The following GNA14 variants were observed in gnomAD, a reference collection of about 807,000 sequenced individuals.
GNA14 encodes the protein guanine nucleotide-binding protein subunit alpha-14.
Under a neutral mutation model 42.0 loss-of-function variants are expected in GNA14, and 50 were observed. That is an observed-to-expected ratio of 1.19 (90% CI 0.95 to 1.51). The LOEUF is 1.51. Among genes scored for constraint, GNA14 ranks in the 40% most tolerant of loss-of-function variants. The pLI, the probability that GNA14 is intolerant of heterozygous loss-of-function variation, is 0.00. For missense variants in GNA14, 473 were observed against 446.2 expected (o/e 1.06, Z -0.54); for synonymous variants, 173 against 163.1 (o/e 1.06, Z -0.46).
At chr9:77,426,808 A>G (rs1835460459) in intron 5 of GNA14, among the ~76,000 whole-genome samples, 1 of 152,210 alleles carries the variant, frequency 6.6e-6, no homozygotes, top group Admixed American at 6.5e-5. Flanking sequence ...CTCTTTCTCA[A>G]GTATTTCTAA....
chr9:77,502,092 G>A (rs72730886), intron 2 of GNA14, among the ~76,000 whole-genome samples: 2,492 of 152,224 alleles, frequency 0.016, 23 homozygotes, highest in Non-Finnish European at 0.023. Context: ...AATCCATTGA[G>A]TATATTGTTT....
chr9:77,546,341 C>G (rs542313737), intron 1 of GNA14, among the ~76,000 whole-genome samples: 17 of 151,850 alleles, frequency 1.1e-4, no homozygotes, highest in African/African-American at 3.9e-4. Context: ...TGAAATATAC[C>G]CTCCCCTTGT....
intron 1 of GNA14, among the ~76,000 whole-genome samples, chr9:77,640,402 T>C (rs1824238951): frequency 6.6e-6 from 1 of 152,170 alleles, no homozygotes; most frequent in Non-Finnish European, 1.5e-5. Flanking sequence ...GCCCTACACA[T>C]GGGAGTTGTT....
At chr9:77,455,014 T>A (rs559610882) in intron 2 of GNA14, among the ~76,000 whole-genome samples, 2 of 152,348 alleles carry the variant, frequency 1.3e-5, no homozygotes, top group East Asian at 3.9e-4. Flanking sequence ...TACCTTTTGA[T>A]GATCTCAAAG....
chr9:77,538,220 G>A (rs2131774598), intron 1 of GNA14, among the ~76,000 whole-genome samples: 1 of 152,142 alleles, frequency 6.6e-6, no homozygotes, highest in South Asian at 2.1e-4. Context: ...ACAGGTGTGT[G>A]CCACCACACC....
chr9:77,497,648 G>C lies in GNA14; in HGVS notation c.309+31421C>G, dbSNP rs141706719. The stretch of plus-strand genomic sequence containing the variant: ...GAGACCACGTTCCTGACATGTAACA[G>C]GTGTTCAATAAATACTGAATGAATT... On this transcript the variant is annotated intron_variant, in intron 2 of 6. Coordinates refer to ENST00000341700, the MANE Select transcript of GNA14 (RefSeq NM_004297.4). Among the ~76,000 whole-genome samples the C allele has an allele frequency of 4.1e-3, 615 of 151,126 alleles. 1 individual carries two copies. The highest frequency in any genetic ancestry group is 6.6e-3 in the Non-Finnish European group (448 of 68,014).
chr9:77,614,781 G>A (rs1309001783), intron 1 of GNA14, among the ~76,000 whole-genome samples: 1 of 152,100 alleles, frequency 6.6e-6, no homozygotes, highest in Non-Finnish European at 1.5e-5. Context: ...GCTTCCCTCA[G>A]TTCATTAGCA....
rs143193603 is a variant in GNA14, at chr9:77,594,811, G to A, written c.124+52859C>T. Among the ~76,000 whole-genome samples the A allele has an allele frequency of 1.7e-3, 261 of 152,296 alleles. 1 individual carries two copies. The highest frequency in any genetic ancestry group is 6.0e-3 in the African/African-American group (249 of 41,564). Reference sequence around the variant, plus strand: ...GCTCAAGTTTCTGGGCAATGATAGGGCCTTCTCCGTGTGCATGGGAGAGCA... The same window carrying A: ...GCTCAAGTTTCTGGGCAATGATAGGACCTTCTCCGTGTGCATGGGAGAGCA... On this transcript the variant is annotated intron_variant, in intron 1 of 6. Transcript: ENST00000341700.
chr9:77,584,104 A>C (rs1823265667), intron 1 of GNA14, among the ~76,000 whole-genome samples: 1 of 152,212 alleles, frequency 6.6e-6, no homozygotes, highest in African/African-American at 2.4e-5. Flanking sequence ...TGCAACTCAG[A>C]GCAGTAGACA....
chr9:77,641,151 A>G (rs1824260849), intron 1 of GNA14, among the ~76,000 whole-genome samples: 1 of 127,546 alleles, frequency 7.8e-6, no homozygotes, highest in African/African-American at 3.0e-5. Flanking sequence ...GAAGGAAGGA[A>G]GGAAGGAAGG....
chr9:77,475,752 C>A (rs1401568287), intron 2 of GNA14, among the ~76,000 whole-genome samples: 1 of 152,194 alleles, frequency 6.6e-6, no homozygotes, highest in Non-Finnish European at 1.5e-5. Context: ...ATTCTTGGGT[C>A]TCTGCACAAA....
chr9:77,568,892 A>G (rs1291271435), intron 1 of GNA14, among the ~76,000 whole-genome samples: 1 of 152,240 alleles, frequency 6.6e-6, no homozygotes, highest in Non-Finnish European at 1.5e-5. Flanking sequence ...GTCGCACTTC[A>G]GAAACCCCTA....
chr9:77,589,379 T>G (rs981643475), intron 1 of GNA14, among the ~76,000 whole-genome samples: 3 of 152,170 alleles, frequency 2.0e-5, no homozygotes, highest in African/African-American at 7.2e-5. Context: ...CAAAATGGAG[T>G]GAGCTCGGTT....
At chr9:77,495,185 G>A (rs1030584851) in intron 2 of GNA14, among the ~76,000 whole-genome samples, 1 of 152,058 alleles carries the variant, frequency 6.6e-6, no homozygotes, top group Non-Finnish European at 1.5e-5. Context: ...TAGACCAAAG[G>A]AAGAACTCTG....
At chr9:77,533,768 C>A (rs1338961438) in intron 1 of GNA14, among the ~76,000 whole-genome samples, 1 of 152,144 alleles carries the variant, frequency 6.6e-6, no homozygotes, top group Non-Finnish European at 1.5e-5. Flanking sequence ...TTTTCCAGGG[C>A]GGACACTCAA....
rs57480889 is a variant in GNA14, at chr9:77,441,599, T to C, written c.310-7077A>G. On this transcript the variant is annotated intron_variant, in intron 2 of 6. Transcript: ENST00000341700. ...AAATAAGTGAGATTAAGATAAAATA[T>C]ATTATTAAATATGAGAACTCTTTGT... is the stretch of plus-strand genomic sequence containing the variant. Among the ~76,000 whole-genome samples the C allele has an allele frequency of 9.1e-3, 1,392 of 152,268 alleles. 28 individuals are homozygous for C. The highest frequency in any genetic ancestry group is 0.031 in the African/African-American group (1,307 of 41,544).
chr9:77,647,610 G>T (rs896863191), intron 1 of GNA14, 60 bp downstream of exon 1: 3 of 1,564,350 alleles, frequency 1.9e-6, no homozygotes, highest in African/African-American at 2.7e-5. Flanking sequence ...CAGTGGAGAG[G>T]CCGGGAGGGC....
At chr9:77,530,846 A>G (rs1837516905) in intron 1 of GNA14, among the ~76,000 whole-genome samples, 1 of 152,226 alleles carries the variant, frequency 6.6e-6, no homozygotes, top group Admixed American at 6.5e-5. Flanking sequence ...CTCCAGAGAC[A>G]GGATAGGTAG....
At chr9:77,475,621 G>A (rs978262060) in intron 2 of GNA14, among the ~76,000 whole-genome samples, 23 of 152,068 alleles carry the variant, frequency 1.5e-4, no homozygotes, top group African/African-American at 5.3e-4. Context: ...TTCCCTCCTT[G>A]CTCCCCTCTC....
Sources: allele counts gnomAD v4.1 joint callset (sites outside exome capture counted in the v4.1 genomes callset), GRCh38; gene constraint gnomAD v4.1.1; transcripts MANE v1.5; gene names NCBI Gene and HGNC (gene_info 2026-07-23, HGNC 2026-07-21).